The following MCOLN2 variants were observed in gnomAD, a reference collection of about 807,000 sequenced individuals.
MCOLN2 encodes mucolipin TRP cation channel 2.
MCOLN2 carries 57 observed loss-of-function variants against 67.5 expected under a neutral mutation model. The observed-to-expected ratio is 0.84, with a 90% CI of 0.68 to 1.05. The LOEUF (loss-of-function observed/expected upper bound fraction) is 1.05, where lower values mean the gene tolerates loss of function less well. MCOLN2 is among the 50% of genes least tolerant of loss of function. MCOLN2 has a pLI of 0.00. For missense variants in MCOLN2, 620 were observed against 678.8 expected, an observed-to-expected ratio of 0.91 and a Z score of 0.96; for synonymous variants, 246 against 233.3, an observed-to-expected ratio of 1.05 and a Z score of -0.50.
intron 1 of MCOLN2, among the ~76,000 whole-genome samples, chr1:84,978,719 A>G (rs1325338627): frequency 2.0e-5 from 3 of 152,202 alleles, no homozygotes; most frequent in Non-Finnish European, 2.9e-5. Context: ...CTCCCAGCAT[A>G]GAAAAGCCCA....
At chr1:84,993,221 G>T (rs1650978692) in intron 1 of MCOLN2, among the ~76,000 whole-genome samples, 2 of 152,202 alleles carry the variant, frequency 1.3e-5, no homozygotes, top group South Asian at 4.1e-4. Flanking sequence ...ATTCTAGTTT[G>T]ATCATGAGAT....
intron 7 of MCOLN2, among the ~76,000 whole-genome samples, chr1:84,946,670 T>C (rs1055932503): frequency 5.3e-5 from 8 of 152,168 alleles, no homozygotes; most frequent in Admixed American, 4.6e-4. Flanking sequence ...TTTTCCGATT[T>C]GGGATGTTCA....
chr1:84,982,135 G>C (rs1650292050), intron 1 of MCOLN2, among the ~76,000 whole-genome samples: 1 of 150,806 alleles, frequency 6.6e-6, no homozygotes, highest in Non-Finnish European at 1.5e-5. Context: ...GCTGGGGTGG[G>C]GGGAAGCAGA....
chr1:84,982,095 A>G (rs79450107), intron 1 of MCOLN2, among the ~76,000 whole-genome samples: 8 of 150,468 alleles, frequency 5.3e-5, no homozygotes, highest in Non-Finnish European at 1.2e-4. Flanking sequence ...TTTAAAAAAA[A>G]GATGAAAAGT....
At chr1:84,956,300 G>T in intron 4 of MCOLN2, 131 bp downstream of exon 4, 1 of 799,750 alleles carries the variant, frequency 1.3e-6, no homozygotes, top group Non-Finnish European at 2.0e-6. Flanking sequence ...GGCCAGTGTT[G>T]GAGTGTCAGC....
At chr1:84,940,067 G>A (rs984451001) in intron 8 of MCOLN2, among the ~76,000 whole-genome samples, 13 of 152,120 alleles carry the variant, frequency 8.5e-5, no homozygotes, top group Admixed American at 3.9e-4. Context: ...CTGAGGCACC[G>A]AGAGGCTAAG....
intron 3 of MCOLN2, among the ~76,000 whole-genome samples, chr1:84,958,131 G>T (rs575815460): frequency 6.6e-6 from 1 of 152,186 alleles, no homozygotes; most frequent in Admixed American, 6.5e-5. Context: ...ATGCTGCCCA[G>T]ACTGGACTCA....
chr1:84,979,777 C>T (rs1345289446), intron 1 of MCOLN2, among the ~76,000 whole-genome samples: 1 of 152,090 alleles, frequency 6.6e-6, no homozygotes, highest in African/African-American at 2.4e-5. Flanking sequence ...AACAAAGATG[C>T]CTACTGTCAC....
intron 3 of MCOLN2, among the ~76,000 whole-genome samples, chr1:84,956,980 C>G (rs1557646710): frequency 6.6e-6 from 1 of 152,168 alleles, no homozygotes; most frequent in Non-Finnish European, 1.5e-5. Flanking sequence ...TACATACCCG[C>G]TCGGTTTACT....
rs779164666 is a variant in MCOLN2, at chr1:84,939,763, G to GC, written c.961-62dup. The GC allele has an allele frequency of 8.7e-4, 1,371 of 1,575,884 alleles. 3 individuals are homozygous for GC. The highest frequency in any genetic ancestry group is 8.0e-4 in the Non-Finnish European group (918 of 1,150,958). On this transcript the variant is annotated intron_variant, in intron 8 of 13. Coordinates refer to ENST00000370608, the MANE Select transcript of MCOLN2 (RefSeq NM_153259.4). ...CCACACTGCCCTCTGGAAGAAGAAG[G>GC]CAAGTGCAAAACAGTGCTCTCACCT... is the stretch of plus-strand genomic sequence containing the variant.
rs548582836 is a variant in MCOLN2, at chr1:84,932,338, A to G, written c.1336-770T>C. On this transcript the variant is annotated intron_variant, in intron 11 of 13. Transcript: ENST00000370608. ...GCGATTCTCATGTGTCGGCCTCCCA[A>G]ATAGATGGGATTACAGGTGCCTGCC... Among the ~76,000 whole-genome samples, 29 of 152,118 alleles carry G rather than the reference A, an allele frequency of 1.9e-4. No homozygotes were observed. In the South Asian group the frequency reaches 2.9e-3, roughly 15 times the overall value.
At chr1:84,982,704 A>T (rs1304499269) in intron 1 of MCOLN2, among the ~76,000 whole-genome samples, 1 of 152,090 alleles carries the variant, frequency 6.6e-6, no homozygotes, top group Non-Finnish European at 1.5e-5. Context: ...AAAGAAATTT[A>T]TGTTTGTTCC....
At chr1:84,929,415 T>C (rs1304282551) in intron 13 of MCOLN2, 143 bp downstream of exon 13, 2 of 954,952 alleles carry the variant, frequency 2.1e-6, no homozygotes, top group Non-Finnish European at 2.9e-6. Context: ...TAAAGCCAAT[T>C]TCAGTGGGAG....
In MCOLN2 at chr1:84,940,969, G is replaced by T; in HGVS notation, c.870C>A (p.Val290=). 1.2e-6 allele frequency: 2 copies of T among 1,612,468 alleles called. No individual in the cohort carries two copies. The highest frequency in any genetic ancestry group is 1.7e-6 in the Non-Finnish European group (2 of 1,178,928). Reference sequence around the variant, plus strand: ...CAATGACAAATGCATCAAACACCAGGACATACTGAGCATTTTTCTGAGCTG... The same window carrying T: ...CAATGACAAATGCATCAAACACCAGTACATACTGAGCATTTTTCTGAGCTG... ...FGSTQKNAQY[V]LVFDAFVIVI... is the part of the protein sequence containing the mutation. Residue 290 remains valine (V), a synonymous_variant, in exon 8 of 14, where the codon GTC becomes GTA. Coordinates refer to ENST00000370608, the MANE Select transcript of MCOLN2 (RefSeq NM_153259.4).
At position 84,966,495 on chromosome 1, in the gene MCOLN2, CA is replaced by C. The variant is rs772707574; in HGVS notation, c.78-788del. On this transcript the variant is annotated intron_variant, in intron 1 of 13. Transcript: ENST00000370608. ...TCATGATACTCCAGGTATGACATTA[CA>C]GAAAATTAGTATAAACAAACGGAAT... Among the ~76,000 whole-genome samples, 70 of 152,080 alleles carry C rather than the reference CA, an allele frequency of 4.6e-4. 1 individual carries two copies. In the Middle Eastern group the frequency reaches 0.01, roughly 22 times the overall value.
At chr1:84,974,446 C>T (rs113568181) in intron 1 of MCOLN2, among the ~76,000 whole-genome samples, 9 of 151,710 alleles carry the variant, frequency 5.9e-5, no homozygotes, top group South Asian at 2.1e-4. Flanking sequence ...TCTTGGATAC[C>T]GGCTCAGCCA....
intron 8 of MCOLN2, among the ~76,000 whole-genome samples, chr1:84,940,199 T>A (rs990298988): frequency 6.6e-6 from 1 of 152,120 alleles, no homozygotes; most frequent in Non-Finnish European, 1.5e-5. Flanking sequence ...GGGGAGCATG[T>A]AAGAAAGGTG....
chr1:84,983,020 AT>A (rs893381727), intron 1 of MCOLN2, among the ~76,000 whole-genome samples: 107 of 146,476 alleles, frequency 7.3e-4, no homozygotes, highest in Non-Finnish European at 7.3e-4. Flanking sequence ...GTCCGGAAGA[AT>A]TTTTTTTTTT....
At position 84,966,550 on chromosome 1, in the gene MCOLN2, G is replaced by A. The variant is rs2102860057; in HGVS notation, c.78-842C>T. ...ATTGTTATGGAAGAAGAGAATCTTTGTTCTGTAACTCTGTACTGAGAGAAG... is the reference window on the plus strand; with the variant it reads ...ATTGTTATGGAAGAAGAGAATCTTTATTCTGTAACTCTGTACTGAGAGAAG... On this transcript the variant is annotated intron_variant, in intron 1 of 13. Coordinates refer to ENST00000370608, the MANE Select transcript of MCOLN2 (RefSeq NM_153259.4). Among the ~76,000 whole-genome samples, 2 of 152,238 alleles carry A rather than the reference G, an allele frequency of 1.3e-5. 1 individual carries two copies. The highest frequency in any genetic ancestry group is 4.1e-4 in the South Asian group (2 of 4,820).
Sources: allele counts gnomAD v4.1 joint callset (sites outside exome capture counted in the v4.1 genomes callset), GRCh38; gene constraint gnomAD v4.1.1; transcripts MANE v1.5; gene names NCBI Gene and HGNC (gene_info 2026-07-23, HGNC 2026-07-21).